The following ASIC2 variants were observed in gnomAD, a reference collection of about 807,000 sequenced individuals.
ASIC2 encodes the protein acid-sensing ion channel 2.
A neutral mutation model predicts 57.3 loss-of-function variants in ASIC2; 25 were observed. The ratio of observed to expected loss-of-function variants is 0.44; its 90% CI spans 0.32 to 0.61. The LOEUF (loss-of-function observed/expected upper bound fraction) is 0.61. ASIC2 is among the 20% of genes least tolerant of loss of function. ASIC2 has a pLI of 0.06. For synonymous variants in ASIC2, 319 were observed against 307.5 expected (o/e 1.04, Z -0.39); for missense variants, 641 against 738.1 (o/e 0.87, Z 1.52).
chr17:33,278,975 AGGGG>A (rs1904828801), intron 1 of ASIC2, among the ~76,000 whole-genome samples: 2 of 152,168 alleles, frequency 1.3e-5, no homozygotes, highest in Non-Finnish European at 2.9e-5. Flanking sequence ...GGGTCATCAG[AGGGG>A]CATAAACAAA....
chr17:33,517,435 AC>A (rs1445074929), intron 1 of ASIC2, among the ~76,000 whole-genome samples: 1 of 152,140 alleles, frequency 6.6e-6, no homozygotes, highest in Non-Finnish European at 1.5e-5. Context: ...GTATTAAATT[AC>A]CCTACACCTT....
At chr17:33,955,979 T>C (rs1278756108) in intron 1 of ASIC2, among the ~76,000 whole-genome samples, 1 of 152,148 alleles carries the variant, frequency 6.6e-6, no homozygotes, top group Non-Finnish European at 1.5e-5. Flanking sequence ...TGAGTGGCCA[T>C]TGACTGATAG....
At chr17:34,109,467 AT>A (rs1911190187) in intron 1 of ASIC2, among the ~76,000 whole-genome samples, 1 of 152,136 alleles carries the variant, frequency 6.6e-6, no homozygotes, top group Non-Finnish European at 1.5e-5. Context: ...CAATTCCTAG[AT>A]CTTAGAATAT....
intron 1 of ASIC2, among the ~76,000 whole-genome samples, chr17:33,765,207 G>A (rs1018213138): frequency 1.3e-5 from 2 of 152,072 alleles, no homozygotes; most frequent in Non-Finnish European, 2.9e-5. Context: ...CCGGGTTCAC[G>A]CCATTCTCCT....
chr17:33,594,114 A>G (rs1400318827), intron 1 of ASIC2, among the ~76,000 whole-genome samples: 1 of 152,120 alleles, frequency 6.6e-6, no homozygotes, highest in Non-Finnish European at 1.5e-5. Flanking sequence ...TTCCTACACC[A>G]TTTGCATTGT....
At chr17:33,608,804 G>A (rs966842996) in intron 1 of ASIC2, among the ~76,000 whole-genome samples, 5 of 152,084 alleles carry the variant, frequency 3.3e-5, no homozygotes, top group African/African-American at 9.7e-5. Flanking sequence ...TACTTCTTCT[G>A]CATTCGTTCT....
At chr17:33,175,947 C>T (rs1313677856) in intron 1 of ASIC2, among the ~76,000 whole-genome samples, 2 of 152,184 alleles carry the variant, frequency 1.3e-5, no homozygotes, top group African/African-American at 4.8e-5. Context: ...TCTGGACATC[C>T]CTCTACAGTC....
At chr17:33,660,867 C>T (rs539460424) in intron 1 of ASIC2, among the ~76,000 whole-genome samples, 1 of 152,326 alleles carries the variant, frequency 6.6e-6, no homozygotes, top group East Asian at 1.9e-4. Context: ...TGCACCCACA[C>T]GTTGAGAGCT....
At chr17:34,031,152 T>G (rs901103630) in intron 1 of ASIC2, among the ~76,000 whole-genome samples, 2 of 152,188 alleles carry the variant, frequency 1.3e-5, no homozygotes, top group African/African-American at 4.8e-5. Context: ...CGGGTACTCC[T>G]CTGAGACAAA....
chr17:33,843,839 T>C (rs1421924671), intron 1 of ASIC2, among the ~76,000 whole-genome samples: 1 of 152,202 alleles, frequency 6.6e-6, no homozygotes, highest in Non-Finnish European at 1.5e-5. Context: ...TGAATGCCAA[T>C]GCTATTTTGA....
At chr17:33,917,067 T>C (rs1252402447) in intron 1 of ASIC2, among the ~76,000 whole-genome samples, 4 of 152,204 alleles carry the variant, frequency 2.6e-5, no homozygotes, top group African/African-American at 7.2e-5. Flanking sequence ...TCCCCTCACC[T>C]GATTCCCCTT....
Position 33,601,587 on chromosome 17 carries a change from T to C in ASIC2, c.556-489520A>G, listed in dbSNP as rs540909125. Among the ~76,000 whole-genome samples the C allele has an allele frequency of 2.6e-5, 4 of 152,324 alleles. No homozygotes were observed. The East Asian group carries it at 5.8e-4, about 22-fold the overall frequency. The stretch of plus-strand genomic sequence containing the variant: ...CTCTACTTAGATTTCAAATAATGTA[T>C]TGGAGAGCTTGGGAGCCCAGGAAGA... On this transcript the variant is annotated intron_variant, in intron 1 of 9. Transcript: ENST00000359872.
chr17:34,095,722 G>C (rs905177253), intron 1 of ASIC2, among the ~76,000 whole-genome samples: 1 of 141,042 alleles, frequency 7.1e-6, no homozygotes, highest in African/African-American at 2.6e-5. Flanking sequence ...TTTATATATA[G>C]AGAGATATAT....
intron 1 of ASIC2, among the ~76,000 whole-genome samples, chr17:33,390,575 A>G (rs1466408637): frequency 2.0e-5 from 3 of 152,146 alleles, no homozygotes; most frequent in East Asian, 1.9e-4. Context: ...AAGGCTGTAG[A>G]GTGTCTCCCA....
chr17:33,124,154 A>G (rs1311394297), intron 1 of ASIC2, among the ~76,000 whole-genome samples: 2 of 152,158 alleles, frequency 1.3e-5, no homozygotes, highest in African/African-American at 2.4e-5. Flanking sequence ...TATTAAAGTC[A>G]TATTTCAGCT....
rs549706492 is a variant in ASIC2 at position 33,070,837 on chromosome 17, C to T, written c.987+18026G>A. On this transcript the variant is annotated intron_variant, in intron 3 of 9. Transcript: ENST00000225823. ...TTCTGCTTTTATATGTCTGAGAAGA[C>T]TTATTTTGCTTAATTTTTGGAGGCA... Among the ~76,000 whole-genome samples, 5 of 151,826 alleles carry T rather than the reference C, an allele frequency of 3.3e-5. No homozygotes were observed. In the South Asian group the frequency reaches 6.2e-4, roughly 19 times the overall value.
At position 33,292,815 on chromosome 17, in the gene ASIC2, G is replaced by T. The variant is rs755527391; in HGVS notation, c.-700C>A. ...GTTACTGCTCCCTGGGCTGCGCTCG[G>T]CAGAGACCTGCTTAGGCTTCCCCAA... On this transcript the variant is annotated 5_prime_UTR_variant, in exon 1 of 10. Transcript: ENST00000225823. 9 of 985,618 alleles carry T rather than the reference G, an allele frequency of 9.1e-6. No individual in the cohort carries two copies. The highest frequency in any genetic ancestry group is 1.0e-3 in the Middle Eastern group (2 of 1,938). The allele number at this position is 985,618 out of a possible 1,614,324, so 61.1% of individuals were successfully genotyped here.
At chr17:34,089,792 C>T (rs1227434727) in intron 1 of ASIC2, among the ~76,000 whole-genome samples, 1 of 152,126 alleles carries the variant, frequency 6.6e-6, no homozygotes, top group Non-Finnish European at 1.5e-5. Flanking sequence ...TTCCTTGTGA[C>T]CTCCACCTGC....
At chr17:33,799,451 T>TTTCTTTCTTTC (rs1567719175) in intron 1 of ASIC2, among the ~76,000 whole-genome samples, 4 of 100,590 alleles carry the variant, frequency 4.0e-5, no homozygotes, top group African/African-American at 1.5e-4. Flanking sequence ...TCTTTCTTTC[T>TTTCTTTCTTTC]TTCTTTCTTT....
Sources: allele counts gnomAD v4.1 joint callset (sites outside exome capture counted in the v4.1 genomes callset), GRCh38; gene constraint gnomAD v4.1.1; transcripts MANE v1.5; gene names NCBI Gene and HGNC (gene_info 2026-07-23, HGNC 2026-07-21).